CCR7: variants seen among roughly 807,000 people sequenced by gnomAD.
CCR7 encodes C-C motif chemokine receptor 7, also known as C-C chemokine receptor type 7.
Under a neutral mutation model 26.0 loss-of-function variants are expected in CCR7, and 11 were observed. The observed-to-expected ratio is 0.42, with a 90% CI of 0.27 to 0.70. CCR7 has a LOEUF of 0.70. CCR7 is among the 30% of genes least tolerant of loss of function. The pLI, the probability that CCR7 is intolerant of heterozygous loss-of-function variation, is 0.23. For missense variants in CCR7, 360 were observed against 504.0 expected, an observed-to-expected ratio of 0.71 and a Z score of 2.74; for synonymous variants, 189 against 202.1, an observed-to-expected ratio of 0.94 and a Z score of 0.55.
chr17:40,560,435 CT>C (rs2036641921), intron 1 of CCR7, among the ~76,000 whole-genome samples: 1 of 152,202 alleles, frequency 6.6e-6, no homozygotes, highest in Admixed American at 6.5e-5. Context: ...CTTCCGTGTC[CT>C]TGGCCACAGC....
intron 1 of CCR7, among the ~76,000 whole-genome samples, chr17:40,562,393 T>TA (rs1167307121): frequency 1.3e-5 from 2 of 152,050 alleles, no homozygotes; most frequent in Admixed American, 1.3e-4. Flanking sequence ...CTGCTGCATC[T>TA]AGGACGCTCC....
At chr17:40,564,680 C>T (rs977822438) in intron 1 of CCR7, among the ~76,000 whole-genome samples, 6 of 152,180 alleles carry the variant, frequency 3.9e-5, no homozygotes, top group Admixed American at 1.3e-4. Flanking sequence ...GGGCAGAGTG[C>T]GTGAGGTTTG....
rs948973172 is a variant in CCR7, at chr17:40,555,974, T to A, written c.61-156A>T. On this transcript the variant is annotated intron_variant, in intron 2 of 2. Transcript: ENST00000246657. The surrounding 1 kb of genome is among the most constrained non-coding windows in gnomAD (Gnocchi z 5.6). The stretch of plus-strand genomic sequence containing the variant: ...AGGCTGGAGTGCAGTGGTGCAATCA[T>A]GGCTCCCTGCAGCCTCGGCCTCTCC... Among the ~76,000 whole-genome samples, 1 of 151,894 alleles carries A rather than the reference T, an allele frequency of 6.6e-6. No homozygotes were observed. Among genetic ancestry groups the A allele is most frequent in the Admixed American group, 6.6e-5 (1 of 15,246 alleles).
At position 40,554,498 on chromosome 17, in the gene CCR7, CCT is replaced by C. The variant is rs1156281619; in HGVS notation, c.*242_*243del. On this transcript the variant is annotated 3_prime_UTR_variant, in exon 3 of 3. Coordinates refer to ENST00000246657, the MANE Select transcript of CCR7 (RefSeq NM_001838.4). ...CAGTTTTTGGTTTAGGGGACAATAGCCTCTGTTTCCCAGTGTTGTCTGTCTGG... is the reference window on the plus strand; with the variant it reads ...CAGTTTTTGGTTTAGGGGACAATAGCCTGTTTCCCAGTGTTGTCTGTCTGG... 1.5e-5 allele frequency: 8 copies of C among 528,372 alleles called. No homozygotes were observed. The highest frequency in any genetic ancestry group is 2.3e-5 in the Non-Finnish European group (7 of 298,988). 32.7% of individuals were successfully genotyped at this position (528,372 alleles called of 1,614,324 possible). A position where few individuals can be genotyped will look rare whatever the true frequency, so the allele number is the denominator to read the frequency against.
rs2036620037 is a variant in CCR7, at chr17:40,558,765, A to G, written c.60+128T>C. 3 of 778,634 alleles carry G rather than the reference A, an allele frequency of 3.9e-6. No individual in the cohort carries two copies. The South Asian group carries it at 4.4e-5, about 11-fold the overall frequency. 48.2% of individuals were successfully genotyped at this position (778,634 alleles called of 1,614,324 possible). A position where few individuals can be genotyped will look rare whatever the true frequency, so the allele number is the denominator to read the frequency against. ...TGGTGAGGGGGCAGCCATTAGCTTAATGAGTGGCAGGCGGGCTTATGTCTG... is the reference window on the plus strand; with the variant it reads ...TGGTGAGGGGGCAGCCATTAGCTTAGTGAGTGGCAGGCGGGCTTATGTCTG... On this transcript the variant is annotated intron_variant, in intron 2 of 2. Transcript: ENST00000246657.
At chr17:40,556,627 C>T (rs2036589867) in intron 2 of CCR7, among the ~76,000 whole-genome samples, 2 of 152,182 alleles carry the variant, frequency 1.3e-5, no homozygotes, top group Non-Finnish European at 2.9e-5. Context: ...GCCCAGGCTC[C>T]AGCACCATTT....
At chr17:40,559,115 C>T (rs1423109133) in intron 1 of CCR7, among the ~76,000 whole-genome samples, 173 bp from the exon 2 acceptor site, 1 of 152,188 alleles carries the variant, frequency 6.6e-6, no homozygotes, top group Non-Finnish European at 1.5e-5. Context: ...TGGCCTGCTG[C>T]CCGGCATCAC....
rs746791164 is a variant in CCR7, at chr17:40,554,735, G to A, written c.*7C>T. ...AGAGGTCCCTCTAGTCCAGGCAGAAGAGTCGCCTATGGGGAGAAGGTGGTG... is the reference window on the plus strand; with the variant it reads ...AGAGGTCCCTCTAGTCCAGGCAGAAAAGTCGCCTATGGGGAGAAGGTGGTG... On this transcript the variant is annotated 3_prime_UTR_variant, in exon 3 of 3. Transcript: ENST00000246657. The A allele has an allele frequency of 1.9e-6, 3 of 1,593,178 alleles. No individual in the cohort carries two copies. Among genetic ancestry groups the A allele is most frequent in the Non-Finnish European group, 2.6e-6 (3 of 1,167,690 alleles).
chr17:40,557,434 G>C (rs2023906), intron 2 of CCR7, among the ~76,000 whole-genome samples: 1 of 152,142 alleles, frequency 6.6e-6, no homozygotes, highest in Non-Finnish European at 1.5e-5. Context: ...TTCACACCCA[G>C]GTTCTGGATT....
chr17:40,557,863 C>T (rs1302980889), intron 2 of CCR7, among the ~76,000 whole-genome samples: 1 of 152,240 alleles, frequency 6.6e-6, no homozygotes, highest in Non-Finnish European at 1.5e-5. Context: ...GAAGAATGAG[C>T]CTCAGCTGTC....
rs2143901621 is a variant in CCR7, at chr17:40,554,555, GC to G, written c.*186del. The G allele has an allele frequency of 1.6e-6, 1 of 629,404 alleles. No homozygotes were observed. The highest frequency in any genetic ancestry group is 2.7e-5 in the Admixed American group (1 of 37,408). 39.0% of individuals were successfully genotyped at this position (629,404 alleles called of 1,614,324 possible). A position where few individuals can be genotyped will look rare whatever the true frequency, so the allele number is the denominator to read the frequency against. On this transcript the variant is annotated 3_prime_UTR_variant, in exon 3 of 3. Coordinates refer to ENST00000246657, the MANE Select transcript of CCR7 (RefSeq NM_001838.4). ...AGCTTATCAGCCCTGTCTTTTTTTG[GC>G]ATTGGTTGAGGTAGCTGGGATTGGG...
Position 40,555,908 on chromosome 17 carries a change from C to CTTTT in CCR7, c.61-94_61-91dup. ...TTTAGCCTAGAGCAGTGGTTTCTTTCTTTTTTTTTTTTCTTGAGACATGGT... is the reference window on the plus strand; with the variant it reads ...TTTAGCCTAGAGCAGTGGTTTCTTTCTTTTTTTTTTTTTTTTCTTGAGACATGGT... On this transcript the variant is annotated intron_variant, in intron 2 of 2. Transcript: ENST00000246657. The surrounding 1 kb of genome is among the most constrained non-coding windows in gnomAD (Gnocchi z 5.6). 3 of 683,958 alleles carry CTTTT rather than the reference C, an allele frequency of 4.4e-6. No individual in the cohort carries two copies. The highest frequency in any genetic ancestry group is 7.0e-6 in the Non-Finnish European group (3 of 428,158). The allele number at this position is 683,958 out of a possible 1,614,324, so 42.4% of individuals were successfully genotyped here.
rs367638866 is a variant in CCR7, at chr17:40,565,374, C to T, written c.10+26G>A. 2.2e-5 allele frequency: 36 copies of T among 1,606,472 alleles called. No individual in the cohort carries two copies. In the African/African-American group the frequency reaches 4.5e-4, roughly 20 times the overall value. Reference sequence around the variant, plus strand: ...GGTGTCCAAGACCCTGGTACTGTTCCTTCTCACATGAAGAGGCTCACTCAC... The same window carrying T: ...GGTGTCCAAGACCCTGGTACTGTTCTTTCTCACATGAAGAGGCTCACTCAC... On this transcript the variant is annotated intron_variant, in intron 1 of 2. Transcript: ENST00000246657.
Position 40,555,944 on chromosome 17 carries a change from T to G in CCR7, c.61-126A>C. On this transcript the variant is annotated intron_variant, in intron 2 of 2. Coordinates refer to ENST00000246657, the MANE Select transcript of CCR7 (RefSeq NM_001838.4). The surrounding 1 kb of genome is among the most constrained non-coding windows in gnomAD (Gnocchi z 5.6). ...TTCTTGAGACATGGTCTCACTCTGT[T>G]GCCCAGGCTGGAGTGCAGTGGTGCA... 6 of 651,318 alleles carry G rather than the reference T, an allele frequency of 9.2e-6. No homozygotes were observed. The highest frequency in any genetic ancestry group is 3.9e-5 in the South Asian group (2 of 51,114). 40.3% of individuals were successfully genotyped at this position (651,318 alleles called of 1,614,324 possible).
Position 40,555,702 on chromosome 17 carries a change from C to A in CCR7, c.177G>T (p.Trp59Cys). The part of the protein sequence containing the change: ...SKKDVRNFKA[W>C]FLPIMYSIIC... ...TGATGGAGTACATGATAGGGAGGAACCAGGCTTTAAAGTTCCGCACGTCCT... is the reference window on the plus strand; with the variant it reads ...TGATGGAGTACATGATAGGGAGGAAACAGGCTTTAAAGTTCCGCACGTCCT... Residue 59 changes from tryptophan to cysteine, a missense_variant, in exon 3 of 3, where the codon TGG (tryptophan) becomes TGT (cysteine). Transcript: ENST00000246657. This position sits in a 1 kb window ranked among gnomAD's most constrained non-coding sequence, Gnocchi z 5.6. 1 of 1,614,154 alleles carries A rather than the reference C, an allele frequency of 6.2e-7. No individual in the cohort carries two copies. The highest frequency in any genetic ancestry group is 1.1e-5 in the South Asian group (1 of 91,086).
intron 1 of CCR7, among the ~76,000 whole-genome samples, chr17:40,559,728 G>A (rs1162264016): frequency 6.6e-6 from 1 of 152,184 alleles, no homozygotes; most frequent in Non-Finnish European, 1.5e-5. Flanking sequence ...CCCCACAATT[G>A]TGTGCTGATG....
At chr17:40,559,172 G>T (rs1338012879) in intron 1 of CCR7, among the ~76,000 whole-genome samples, 1 of 152,176 alleles carries the variant, frequency 6.6e-6, no homozygotes, top group Admixed American at 6.5e-5. Context: ...GTCCTGGAAA[G>T]AAGCAGCATC....
In CCR7 at chr17:40,554,275, A is replaced by T. The variant is rs1230586856; in HGVS notation, c.*467T>A. On this transcript the variant is annotated 3_prime_UTR_variant, in exon 3 of 3. Coordinates refer to ENST00000246657, the MANE Select transcript of CCR7 (RefSeq NM_001838.4). ...CAGCTGATGTCCGCTTTTCCTCACC[A>T]AGCCAAGAAGTCTCCCCACTATCTC... 1 of 154,802 alleles carries T rather than the reference A, an allele frequency of 6.5e-6. No homozygotes were observed. Among genetic ancestry groups the T allele is most frequent in the Non-Finnish European group, 1.4e-5 (1 of 69,814 alleles). The allele number at this position is 154,802 out of a possible 1,614,324, so 9.6% of individuals were successfully genotyped here. A position where few individuals can be genotyped will look rare whatever the true frequency, so the allele number is the denominator to read the frequency against.
intron 1 of CCR7, 55 bp from the exon 2 acceptor site, chr17:40,558,997 TAAAG>T: frequency 6.7e-7 from 1 of 1,482,362 alleles, no homozygotes; most frequent in Non-Finnish European, 9.3e-7. Flanking sequence ...TCTTTGTTAT[TAAAG>T]AAAGCAGTGG....
Sources: gnomAD v4.1 joint callset for allele counts (sites outside exome capture counted in the v4.1 genomes callset) on GRCh38, gnomAD v4.1.1 for gene constraint, Gnocchi (gnomAD v3.1) non-coding constraint, MANE v1.5 for transcripts, NCBI Gene and HGNC (gene_info 2026-07-23, HGNC 2026-07-21) for gene names.